ERBB4: variants seen among roughly 807,000 people sequenced by gnomAD.
ERBB4 encodes the protein erb-b2 receptor tyrosine kinase 4, also known as receptor tyrosine-protein kinase erbB-4.
A neutral mutation model predicts 158.0 loss-of-function variants in ERBB4; 42 were observed. The observed-to-expected ratio is 0.27, with a 90% CI of 0.21 to 0.34. The LOEUF is 0.34. ERBB4 is among the 10% of genes least tolerant of loss of function. ERBB4 has a pLI of 1.00. For missense variants in ERBB4, 1,333 were observed against 1,624.1 expected, an observed-to-expected ratio of 0.82 and a Z score of 3.08; for synonymous variants, 583 against 558.7, an observed-to-expected ratio of 1.04 and a Z score of -0.61.
rs148666592 is a variant in ERBB4, at chr2:211,483,159, C to T, written c.2488-52059G>A. Among the ~76,000 whole-genome samples the T allele has an allele frequency of 4.0e-3, 608 of 151,830 alleles. 6 individuals carry two copies. Among genetic ancestry groups the T allele is most frequent in the African/African-American group, 0.013 (550 of 41,420 alleles). ...GAACTTGAAAATAGAGAAATAGGAA[C>T]CATCAAAATAAAGACTGAAAAAATA... On this transcript the variant is annotated intron_variant, in intron 20 of 27. Transcript: ENST00000342788.
At chr2:211,744,838 A>C (rs952032299) in intron 5 of ERBB4, among the ~76,000 whole-genome samples, 5 of 152,234 alleles carry the variant, frequency 3.3e-5, no homozygotes, top group Non-Finnish European at 7.3e-5. Context: ...CAATGTATGG[A>C]AAGTCTCAAA....
intron 19 of ERBB4, among the ~76,000 whole-genome samples, chr2:211,605,955 G>T (rs2068964297): frequency 6.6e-6 from 1 of 151,800 alleles, no homozygotes; most frequent in Non-Finnish European, 1.5e-5. Context: ...TTACCTAAGA[G>T]GTCTCCTAAT....
intron 1 of ERBB4, among the ~76,000 whole-genome samples, chr2:212,413,273 AC>A (rs891712921): frequency 1.3e-5 from 2 of 150,348 alleles, no homozygotes; most frequent in Non-Finnish European, 3.0e-5. Flanking sequence ...GGCACGAGCC[AC>A]CCCGCCCAGC....
At chr2:212,184,109 A>G (rs528086430) in intron 1 of ERBB4, among the ~76,000 whole-genome samples, 3 of 152,206 alleles carry the variant, frequency 2.0e-5, no homozygotes, top group African/African-American at 4.8e-5. Flanking sequence ...TTAAAGTGAA[A>G]TAAAACATTT....
rs368984080 is a variant in ERBB4 at position 211,428,414 on chromosome 2, T to C, written c.2713A>G (p.Ser905Gly). Residue 905 changes from serine to glycine, a missense_variant, in exon 22 of 28, where the codon AGC becomes GGC. Ser to Gly is a moderately conservative substitution (Grantham distance 56, BLOSUM62 0). Transcript: ENST00000342788. ...RKFTHQSDVW[S>G]YGVTIWELMT... Reference sequence around the variant, plus strand: ...GCAAAGAAGATTTATTTACCATAGCTCCAAACGTCACTCTGATGGGTGAAT... The same window carrying C: ...GCAAAGAAGATTTATTTACCATAGCCCCAAACGTCACTCTGATGGGTGAAT... 3 of 1,572,056 alleles carry C rather than the reference T, an allele frequency of 1.9e-6. No individual in the cohort carries two copies. Among genetic ancestry groups the C allele is most frequent in the Non-Finnish European group, 2.6e-6 (3 of 1,142,936 alleles).
intron 2 of ERBB4, chr2:211,960,584 T>G (rs1216210864): frequency 1.3e-5 from 2 of 152,060 alleles, no homozygotes; most frequent in African/African-American, 4.8e-5. Context: ...ACTGGGTGAT[T>G]CATAAATGCC....
intron 22 of ERBB4, among the ~76,000 whole-genome samples, chr2:211,424,931 G>GTAGTT (rs1408316936): frequency 6.6e-6 from 1 of 152,136 alleles, no homozygotes; most frequent in Non-Finnish European, 1.5e-5. Context: ...GGGATAGAAA[G>GTAGTT]TAGTTTATTT....
At chr2:212,477,554 C>G (rs1157982822) in intron 1 of ERBB4, among the ~76,000 whole-genome samples, 1 of 152,100 alleles carries the variant, frequency 6.6e-6, no homozygotes, top group Non-Finnish European at 1.5e-5. Flanking sequence ...TGCCAAATTC[C>G]TATAATTCAA....
At chr2:211,509,133 T>G (rs2065826398) in intron 20 of ERBB4, among the ~76,000 whole-genome samples, 1 of 136,080 alleles carries the variant, frequency 7.3e-6, no homozygotes, top group Non-Finnish European at 1.6e-5. Context: ...AGTTGAACAA[T>G]GAGAAGACAT....
chr2:211,578,305 G>A (rs1022181096), intron 19 of ERBB4, among the ~76,000 whole-genome samples: 1 of 152,118 alleles, frequency 6.6e-6, no homozygotes, highest in African/African-American at 2.4e-5. Context: ...AATCAGAGAG[G>A]ACACAAACAA....
intron 3 of ERBB4, among the ~76,000 whole-genome samples, chr2:211,875,302 TTTAAAGAACTGA>T (rs2078470519): frequency 6.6e-6 from 1 of 152,278 alleles, no homozygotes; most frequent in South Asian, 2.1e-4. Flanking sequence ...CTTGCTTTAA[TTTAAAGAACTGA>T]ATAATCCGAT....
intron 2 of ERBB4, among the ~76,000 whole-genome samples, chr2:212,094,144 G>A (rs73987226): frequency 0.022 from 3,279 of 151,964 alleles, 129 homozygotes; most frequent in African/African-American, 0.075. Flanking sequence ...CCTGGTGGGA[G>A]GCTTTTCACT....
At chr2:212,215,912 C>T (rs933018547) in intron 1 of ERBB4, among the ~76,000 whole-genome samples, 2 of 151,352 alleles carry the variant, frequency 1.3e-5, no homozygotes, top group African/African-American at 4.8e-5. Flanking sequence ...ATCACAAAAA[C>T]AAATTTTTAA....
intron 2 of ERBB4, among the ~76,000 whole-genome samples, chr2:212,119,115 A>G (rs1172070670): frequency 6.6e-6 from 1 of 152,114 alleles, no homozygotes; most frequent in East Asian, 1.9e-4. Flanking sequence ...ACATCCATGC[A>G]TCAACTGTTA....
Position 211,712,101 on chromosome 2 carries a change from T to C in ERBB4, c.1073A>G (p.Asn358Ser), listed in dbSNP as rs1431179590. Reference protein sequence around the residue: ...VDSSNIDKFINCTKINGNLIF... With the variant: ...VDSSNIDKFISCTKINGNLIF... Reference sequence around the variant, plus strand: ...CAAATTCCCATTGATCTTGGTACAGTTTATGAATTTGTCAATGTTACTGGA... The same window carrying C: ...CAAATTCCCATTGATCTTGGTACAGCTTATGAATTTGTCAATGTTACTGGA... Residue 358 changes from asparagine to serine, a missense_variant, in exon 9 of 28, where the codon AAC becomes AGC. Transcript: ENST00000342788. 6.2e-7 allele frequency: 1 copy of C among 1,612,032 alleles called. No homozygotes were observed. The highest frequency in any genetic ancestry group is 8.5e-7 in the Non-Finnish European group (1 of 1,178,124).
At chr2:211,562,190 T>C (rs1027824503) in intron 19 of ERBB4, 102 bp from the exon 20 acceptor site, 2 of 924,160 alleles carry the variant, frequency 2.2e-6, no homozygotes, top group Admixed American at 1.9e-5. Flanking sequence ...AAAAATGTAC[T>C]CTTACTCAAT....
At chr2:211,854,324 T>C (rs1459060152) in intron 3 of ERBB4, among the ~76,000 whole-genome samples, 2 of 152,106 alleles carry the variant, frequency 1.3e-5, no homozygotes, top group Non-Finnish European at 2.9e-5. Context: ...TGTTAAATAT[T>C]ATATTGAAGT....
At chr2:211,900,998 A>T (rs954573505) in intron 3 of ERBB4, among the ~76,000 whole-genome samples, 21 of 152,328 alleles carry the variant, frequency 1.4e-4, no homozygotes, top group Admixed American at 1.2e-3. Flanking sequence ...GTTTATTAAA[A>T]ATCAGTTAAA....
rs2062497441 is a variant in ERBB4 at position 211,377,535 on chromosome 2, T to A, written c.*6080A>T. 4.3e-6 allele frequency: 1 copy of A among 232,570 alleles called. No individual in the cohort carries two copies. Among genetic ancestry groups the A allele is most frequent in the Non-Finnish European group, 8.5e-6 (1 of 117,582 alleles). 14.4% of individuals were successfully genotyped at this position (232,570 alleles called of 1,614,324 possible). A position where few individuals can be genotyped will look rare whatever the true frequency, so the allele number is the denominator to read the frequency against. Reference sequence around the variant, plus strand: ...GGATTTTCATTAACATGAACTGTCCTCATTATGTATTTGTTAGATGGATGA... The same window carrying A: ...GGATTTTCATTAACATGAACTGTCCACATTATGTATTTGTTAGATGGATGA... On this transcript the variant is annotated 3_prime_UTR_variant, in exon 28 of 28. Coordinates refer to ENST00000342788, the MANE Select transcript of ERBB4 (RefSeq NM_005235.3).
Sources: allele counts gnomAD v4.1 joint callset (sites outside exome capture counted in the v4.1 genomes callset), GRCh38; gene constraint gnomAD v4.1.1; transcripts MANE v1.5; gene names NCBI Gene and HGNC (gene_info 2026-07-23, HGNC 2026-07-21).